The following OXSR1 variants were observed in gnomAD, a reference collection of about 807,000 sequenced individuals.
The protein encoded by OXSR1 is serine/threonine-protein kinase OSR1.
A neutral mutation model predicts 79.8 loss-of-function variants in OXSR1; 24 were observed. The observed-to-expected ratio is 0.30, with a 90% CI of 0.22 to 0.42. The LOEUF (loss-of-function observed/expected upper bound fraction) is 0.42. OXSR1 is among the 10% of genes least tolerant of loss of function. OXSR1 has a pLI of 1.00. For missense variants in OXSR1, 430 were observed against 618.4 expected, an observed-to-expected ratio of 0.70 and a Z score of 3.23; for synonymous variants, 226 against 209.2, an observed-to-expected ratio of 1.08 and a Z score of -0.69.
chr3:38,231,072 G>A (rs1463245340), intron 10 of OXSR1, among the ~76,000 whole-genome samples: 2 of 152,178 alleles, frequency 1.3e-5, no homozygotes, highest in African/African-American at 4.8e-5. Flanking sequence ...CTTACACCTT[G>A]TATAATATAG....
At chr3:38,172,147 A>G (rs1263530178) in intron 1 of OXSR1, among the ~76,000 whole-genome samples, 2 of 152,208 alleles carry the variant, frequency 1.3e-5, no homozygotes, top group South Asian at 2.1e-4. Context: ...TGGTATTGCC[A>G]TGAAATATGA....
At chr3:38,173,505 TG>T (rs1456627274) in intron 1 of OXSR1, among the ~76,000 whole-genome samples, 3 of 152,324 alleles carry the variant, frequency 2.0e-5, no homozygotes, top group African/African-American at 7.2e-5. Flanking sequence ...TGTAAGACCA[TG>T]AATACCTATC....
At chr3:38,168,381 C>A (rs1307590847) in intron 1 of OXSR1, among the ~76,000 whole-genome samples, 1 of 152,100 alleles carries the variant, frequency 6.6e-6, no homozygotes, top group African/African-American at 2.4e-5. Context: ...CTTAGACAAC[C>A]ACAAATCTAC....
intron 12 of OXSR1, among the ~76,000 whole-genome samples, chr3:38,243,486 A>G (rs1703076918): frequency 6.6e-6 from 1 of 152,084 alleles, no homozygotes; most frequent in Non-Finnish European, 1.5e-5. Context: ...TGTTAAACAG[A>G]TTCTTATTGG....
intron 8 of OXSR1, 89 bp downstream of exon 8, chr3:38,224,793 T>C: frequency 1.1e-6 from 1 of 886,376 alleles, no homozygotes; most frequent in Non-Finnish European, 1.7e-6. Context: ...AGGAAATTAT[T>C]TTCAAAAGAA....
chr3:38,247,551 C>A, intron 13 of OXSR1, 117 bp from the exon 14 acceptor site: 1 of 693,402 alleles, frequency 1.4e-6, no homozygotes. Context: ...TTAGTATGAC[C>A]TCAGCTGGAG....
intron 2 of OXSR1, 56 bp from the exon 3 acceptor site, chr3:38,190,675 C>T: frequency 1.0e-6 from 1 of 1,003,846 alleles, no homozygotes; most frequent in East Asian, 2.4e-5. Flanking sequence ...TGCTAACTCA[C>T]AACATTTGTT....
At chr3:38,185,658 T>A (rs1701871663) in intron 2 of OXSR1, among the ~76,000 whole-genome samples, 2 of 148,752 alleles carry the variant, frequency 1.3e-5, no homozygotes, top group South Asian at 4.3e-4. Flanking sequence ...TTTAAGAACC[T>A]GCTGCTAGGG....
intron 14 of OXSR1, among the ~76,000 whole-genome samples, chr3:38,249,278 T>G (rs1559530097): frequency 2.0e-5 from 3 of 152,196 alleles, no homozygotes; most frequent in Non-Finnish European, 2.9e-5. Flanking sequence ...GGGATCCTGC[T>G]TAATCTCAGT....
chr3:38,170,053 A>T lies in OXSR1; in HGVS notation c.70+4107A>T, dbSNP rs561791201. 1.9e-3 allele frequency among the ~76,000 whole-genome samples: 275 copies of T among 146,944 alleles called. 1 individual carries two copies. The highest frequency in any genetic ancestry group is 7.4e-3 in the Middle Eastern group (2 of 272). ...AGCCTTCTTTAATTTTATTATTATT[A>T]TTTTTTTTTGAGTTGGAGTCTTACT... On this transcript the variant is annotated intron_variant, in intron 1 of 17. Transcript: ENST00000311806.
intron 1 of OXSR1, 86 bp from the exon 2 acceptor site, chr3:38,182,917 C>A: frequency 1.4e-6 from 1 of 722,826 alleles, no homozygotes; most frequent in East Asian, 2.8e-5. Context: ...ATAAGGATTA[C>A]TCTTGTTTAA....
chr3:38,216,135 C>T lies in OXSR1; in HGVS notation c.474C>T (p.Gly158=). 1 of 1,591,190 alleles carries T rather than the reference C, an allele frequency of 6.3e-7. No individual in the cohort carries two copies. Residue 158 remains glycine, a synonymous_variant, in exon 5 of 18, where the codon GGC becomes GGT. Transcript: ENST00000311806. ...KAGNILLGED[G]SVQIADFGVS... is the part of the protein sequence containing the mutation. ...GAAACATTCTTCTTGGAGAAGATGGCTCAGTACAGATTGCAGGTAATGATT... is the reference window on the plus strand; with the variant it reads ...GAAACATTCTTCTTGGAGAAGATGGTTCAGTACAGATTGCAGGTAATGATT...
intron 2 of OXSR1, among the ~76,000 whole-genome samples, chr3:38,185,355 C>T (rs34206660): frequency 3.9e-5 from 6 of 152,014 alleles, no homozygotes; most frequent in African/African-American, 1.2e-4. Flanking sequence ...GAGGCCAAGG[C>T]GGGTGGATCA....
At chr3:38,210,864 TA>T (rs1186537333) in intron 4 of OXSR1, among the ~76,000 whole-genome samples, 1 of 152,206 alleles carries the variant, frequency 6.6e-6, no homozygotes, top group African/African-American at 2.4e-5. Context: ...TGGATAAGAT[TA>T]AATCTTAAAA....
intron 10 of OXSR1, among the ~76,000 whole-genome samples, chr3:38,233,993 G>A (rs1028569424): frequency 2.6e-5 from 4 of 152,044 alleles, no homozygotes; most frequent in Admixed American, 6.5e-5. Flanking sequence ...TGACAATTCA[G>A]TGAAGACTAA....
chr3:38,194,053 T>G (rs781602698), intron 3 of OXSR1, among the ~76,000 whole-genome samples: 1 of 152,066 alleles, frequency 6.6e-6, no homozygotes, highest in African/African-American at 2.4e-5. Flanking sequence ...GGAAGATGTG[T>G]CAGGATTATA....
chr3:38,214,439 A>G (rs1345632800), intron 4 of OXSR1, among the ~76,000 whole-genome samples: 1 of 152,186 alleles, frequency 6.6e-6, no homozygotes, highest in Non-Finnish European at 1.5e-5. Flanking sequence ...ACTCCTTGCT[A>G]ACATTATAGT....
chr3:38,190,671 C>A, intron 2 of OXSR1, 60 bp from the exon 3 acceptor site: 1 of 958,348 alleles, frequency 1.0e-6, no homozygotes, highest in Non-Finnish European at 1.7e-6. Context: ...GATTTGCTAA[C>A]TCACAACATT....
At chr3:38,223,978 A>ATTT (rs1269851816) in intron 7 of OXSR1, 65 bp downstream of exon 7, 2 of 967,622 alleles carry the variant, frequency 2.1e-6, no homozygotes, top group East Asian at 5.1e-5. Context: ...GCCATTTGCC[A>ATTT]GTCTTTTAAT....
Sources: allele counts gnomAD v4.1 joint callset (sites outside exome capture counted in the v4.1 genomes callset), GRCh38; gene constraint gnomAD v4.1.1; transcripts MANE v1.5; gene names NCBI Gene and HGNC (gene_info 2026-07-23, HGNC 2026-07-21).